DOCK7: variants seen among roughly 807,000 people sequenced by gnomAD.
The protein encoded by DOCK7 is dedicator of cytokinesis 7, also known as dedicator of cytokinesis protein 7.
A neutral mutation model predicts 271.0 loss-of-function variants in DOCK7; 138 were observed. The ratio of observed to expected loss-of-function variants is 0.51; its 90% CI spans 0.44 to 0.59. The LOEUF (loss-of-function observed/expected upper bound fraction) is 0.59, where lower values mean the gene tolerates loss of function less well. DOCK7 is among the 20% of genes least tolerant of loss of function. The pLI is 0.00. For missense variants in DOCK7, 2,066 were observed against 2,592.4 expected (o/e 0.80, Z 4.41); for synonymous variants, 823 against 876.1 (o/e 0.94, Z 1.07).
In DOCK7 at chr1:62,503,665, T is replaced by A. The variant is rs576363803; in HGVS notation, c.4764+965A>T. Among the ~76,000 whole-genome samples the A allele has an allele frequency of 2.1e-3, 316 of 152,094 alleles. 2 individuals are homozygous for A. The highest frequency in any genetic ancestry group is 7.2e-3 in the African/African-American group (301 of 41,524). ...TATGTCACTCAGGCTGGCCTCAAAC[T>A]CCTGGCCTCAAGCAATCTTCCTTCC... is the stretch of plus-strand genomic sequence containing the variant. On this transcript the variant is annotated intron_variant, in intron 37 of 49. Coordinates refer to ENST00000635253, the MANE Select transcript of DOCK7 (RefSeq NM_001367561.1).
At chr1:62,563,910 G>T (rs1646423011) in intron 18 of DOCK7, among the ~76,000 whole-genome samples, 1 of 129,740 alleles carries the variant, frequency 7.7e-6, no homozygotes, top group Admixed American at 8.3e-5. Flanking sequence ...AAAAAGGCAG[G>T]CGTTGTAATC....
intron 18 of DOCK7, among the ~76,000 whole-genome samples, chr1:62,576,794 T>C (rs77524918): frequency 0.026 from 3,972 of 152,304 alleles, 77 homozygotes; most frequent in Non-Finnish European, 0.039. Context: ...GTTGCCAATA[T>C]CTCATGTATT....
At chr1:62,605,433 A>G (rs961400522) in intron 14 of DOCK7, 2 of 153,080 alleles carry the variant, frequency 1.3e-5, no homozygotes, top group African/African-American at 4.8e-5. Flanking sequence ...TATTAAAATA[A>G]GTTCGCTGTC....
chr1:62,648,472 T>C lies in DOCK7; in HGVS notation c.462A>G (p.Pro154=). The C allele has an allele frequency of 6.5e-7, 1 of 1,543,746 alleles. No individual in the cohort carries two copies. The highest frequency in any genetic ancestry group is 8.8e-7 in the Non-Finnish European group (1 of 1,142,454). The change falls in exon 5 of 50, where the codon CCA becomes CCG. Residue 154 remains proline, a synonymous_variant. Coordinates refer to ENST00000635253, the MANE Select transcript of DOCK7 (RefSeq NM_001367561.1). ...CTTCATCAGATTCAAAAACTTGTTT[T>C]GGCAAACCTTTTTGCCTTTCTTTCT... ...DKQKERQKGL[P]KQVFESDEAP...
intron 14 of DOCK7, among the ~76,000 whole-genome samples, chr1:62,588,244 G>T (rs537269108): frequency 2.4e-4 from 37 of 152,196 alleles, no homozygotes; most frequent in African/African-American, 8.7e-4. Context: ...CATTGTGTTG[G>T]GCACTAGAAA....
intron 14 of DOCK7, among the ~76,000 whole-genome samples, chr1:62,588,345 AAC>A (rs1647874054): frequency 6.6e-6 from 1 of 152,216 alleles, no homozygotes; most frequent in Admixed American, 6.5e-5. Context: ...ACTTCAAAAC[AAC>A]ACAGTGTTAC....
At chr1:62,527,472 C>T (rs1379154010) in intron 31 of DOCK7, among the ~76,000 whole-genome samples, 2 of 151,940 alleles carry the variant, frequency 1.3e-5, no homozygotes, top group African/African-American at 4.8e-5. Context: ...CCCAAATGTC[C>T]AACAATGATA....
At chr1:62,537,582 T>C (rs2149389318) in intron 28 of DOCK7, among the ~76,000 whole-genome samples, 1 of 45,304 alleles carries the variant, frequency 2.2e-5, no homozygotes, top group South Asian at 1.1e-3. Flanking sequence ...CAAGACTCTG[T>C]CTCAAAAAAA....
intron 37 of DOCK7, among the ~76,000 whole-genome samples, chr1:62,496,894 T>A (rs570809253): frequency 3.3e-5 from 5 of 152,192 alleles, no homozygotes; most frequent in Admixed American, 6.5e-5. Flanking sequence ...ATCCATACTA[T>A]GATGAAAGTA....
chr1:62,561,031 G>A (rs1646304634), intron 19 of DOCK7, among the ~76,000 whole-genome samples: 1 of 152,120 alleles, frequency 6.6e-6, no homozygotes, highest in African/African-American at 2.4e-5. Flanking sequence ...CAGAGTCAAA[G>A]CGCAACAGAG....
At chr1:62,527,580 G>T (rs1645047319) in intron 31 of DOCK7, among the ~76,000 whole-genome samples, 1 of 152,004 alleles carries the variant, frequency 6.6e-6, no homozygotes, top group African/African-American at 2.4e-5. Flanking sequence ...TGGACGTAGG[G>T]ACATGGACGA....
intron 20 of DOCK7, 38 bp from the exon 21 acceptor site, chr1:62,556,027 T>A (rs777546795): frequency 4.4e-6 from 7 of 1,595,436 alleles, no homozygotes; most frequent in Non-Finnish European, 6.0e-6. Flanking sequence ...TTGCTTTAAC[T>A]TTTTTTAGAC....
intron 4 of DOCK7, among the ~76,000 whole-genome samples, chr1:62,652,821 G>C (rs1031791445): frequency 2.6e-5 from 4 of 152,094 alleles, no homozygotes; most frequent in Non-Finnish European, 5.9e-5. Flanking sequence ...TATCAAAATT[G>C]TAAGTTCATA....
At chr1:62,661,275 G>C (rs1442742732) in intron 2 of DOCK7, among the ~76,000 whole-genome samples, 1 of 152,036 alleles carries the variant, frequency 6.6e-6, no homozygotes, top group East Asian at 1.9e-4. Flanking sequence ...TTGGGAAGGG[G>C]GGAAAATGGG....
intron 11 of DOCK7, among the ~76,000 whole-genome samples, chr1:62,630,919 T>C (rs779839863): frequency 7.9e-5 from 12 of 152,214 alleles, no homozygotes; most frequent in Non-Finnish European, 1.0e-4. Flanking sequence ...GCATGGTGGC[T>C]CACATCTATA....
intron 11 of DOCK7, chr1:62,627,549 G>A (rs1463694172): frequency 6.6e-6 from 1 of 152,104 alleles, no homozygotes; most frequent in Non-Finnish European, 1.5e-5. Context: ...AGGGTTCAGA[G>A]TATAAGATCA....
At chr1:62,540,842 A>G (rs1428419721) in intron 25 of DOCK7, among the ~76,000 whole-genome samples, 1 of 140,910 alleles carries the variant, frequency 7.1e-6, no homozygotes, top group Non-Finnish European at 1.5e-5. Context: ...AGACTACTAA[A>G]AAACGGTGAA....
intron 1 of DOCK7, among the ~76,000 whole-genome samples, chr1:62,683,265 G>A (rs375061974): frequency 2.6e-5 from 4 of 152,322 alleles, no homozygotes; most frequent in African/African-American, 9.6e-5. Flanking sequence ...GATCAGGGAA[G>A]TATATGTGTT....
At chr1:62,641,619 T>C in intron 7 of DOCK7, 1 of 467,150 alleles carries the variant, frequency 2.1e-6, no homozygotes, top group Non-Finnish European at 4.4e-6. Context: ...TCGCAACACA[T>C]GATCACCACC....
Sources: allele counts gnomAD v4.1 joint callset (sites outside exome capture counted in the v4.1 genomes callset), GRCh38; gene constraint gnomAD v4.1.1; transcripts MANE v1.5; gene names NCBI Gene and HGNC (gene_info 2026-07-23, HGNC 2026-07-21).